The following NAALADL2 variants were observed in gnomAD, a reference collection of about 807,000 sequenced individuals.
NAALADL2 encodes the protein inactive N-acetylated-alpha-linked acidic dipeptidase-like protein 2.
In NAALADL2, 76 loss-of-function variants were observed where a neutral mutation model predicts 87.2. The ratio of observed to expected loss-of-function variants is 0.87; its 90% CI spans 0.72 to 1.05. NAALADL2 has a LOEUF of 1.05. NAALADL2 is among the 50% of genes least tolerant of loss of function. The probability of loss-of-function intolerance (pLI) is 0.00; values close to 1 mark genes in which losing one functional copy is unlikely to be tolerated. For missense variants in NAALADL2, 1,089 were observed against 945.8 expected, an observed-to-expected ratio of 1.15 and a Z score of -1.99; for synonymous variants, 354 against 331.0, an observed-to-expected ratio of 1.07 and a Z score of -0.75.
intron 3 of NAALADL2, among the ~76,000 whole-genome samples, chr3:174,745,401 C>G (rs371851221): frequency 6.6e-6 from 1 of 151,962 alleles, no homozygotes; most frequent in East Asian, 1.9e-4. Context: ...AGGAGGAAGT[C>G]GAATCCCTGA....
intron 1 of NAALADL2, among the ~76,000 whole-genome samples, chr3:174,872,028 A>G (rs1407638497): frequency 6.6e-6 from 1 of 152,168 alleles, no homozygotes. Context: ...CTTTTTTGAA[A>G]TTACAGGCTT....
At chr3:175,449,741 A>G (rs1721269341) in intron 6 of NAALADL2, among the ~76,000 whole-genome samples, 2 of 152,148 alleles carry the variant, frequency 1.3e-5, no homozygotes, top group Admixed American at 6.5e-5. Flanking sequence ...AAGCAAGATG[A>G]CACTCTCCAG....
At chr3:174,464,882 C>T (rs1266610013) in intron 1 of NAALADL2, among the ~76,000 whole-genome samples, 1 of 151,850 alleles carries the variant, frequency 6.6e-6, no homozygotes, top group African/African-American at 2.4e-5. Context: ...ATTTTCCTTC[C>T]TCTAATAATT....
intron 2 of NAALADL2, among the ~76,000 whole-genome samples, chr3:175,149,204 A>G (rs989514181): frequency 2.4e-4 from 36 of 152,050 alleles, no homozygotes; most frequent in Non-Finnish European, 4.7e-4. Context: ...CATTGTGCCT[A>G]TTATAAATTG....
chr3:175,803,128 C>T lies in NAALADL2; in HGVS notation c.2313C>T (p.Asn771=). Residue 771 remains asparagine, a synonymous_variant, in exon 14 of 14, where the codon AAC becomes AAT. Transcript: ENST00000454872. ...TLQEALSEVL[N]SINSAQVYFK... ...AAGAAGCCCTGTCAGAGGTGTTGAA[C>T]AGCATTAATTCAGCTCAGGTTTACT... 4 of 1,612,430 alleles carry T rather than the reference C, an allele frequency of 2.5e-6. No individual in the cohort carries two copies. Among genetic ancestry groups the T allele is most frequent in the African/African-American group, 1.3e-5 (1 of 74,958 alleles).
At chr3:175,378,738 C>A (rs1445472978) in intron 5 of NAALADL2, among the ~76,000 whole-genome samples, 1 of 152,084 alleles carries the variant, frequency 6.6e-6, no homozygotes, top group African/African-American at 2.4e-5. Flanking sequence ...ATAAGACTCA[C>A]CTTGTTGCCT....
chr3:174,663,975 A>AG (rs1295412341), intron 2 of NAALADL2, among the ~76,000 whole-genome samples: 2 of 151,568 alleles, frequency 1.3e-5, no homozygotes, highest in South Asian at 2.1e-4. Flanking sequence ...TTTAGTAGAG[A>AG]GGGGGGTTTC....
chr3:174,660,586 A>C (rs953167117), intron 2 of NAALADL2, among the ~76,000 whole-genome samples: 1 of 152,142 alleles, frequency 6.6e-6, no homozygotes, highest in Admixed American at 6.6e-5. Flanking sequence ...TGAGGATACG[A>C]AAGGATGATT....
chr3:174,857,222 G>T (rs941860860), upstream of NAALADL2, among the ~76,000 whole-genome samples: 1 of 152,104 alleles, frequency 6.6e-6, no homozygotes, highest in East Asian at 1.9e-4. Context: ...AAAACGTCCT[G>T]GAAGAAATTT....
At chr3:175,015,412 C>T (rs1213081368) in intron 1 of NAALADL2, among the ~76,000 whole-genome samples, 1 of 151,984 alleles carries the variant, frequency 6.6e-6, no homozygotes, top group Admixed American at 6.6e-5. Context: ...TAGAGAAGTG[C>T]ATTAAGCAGT....
intron 2 of NAALADL2, among the ~76,000 whole-genome samples, chr3:174,705,982 A>G (rs1730031398): frequency 6.6e-6 from 1 of 152,134 alleles, no homozygotes; most frequent in Non-Finnish European, 1.5e-5. Context: ...CCCAACTTCT[A>G]TTTAATCCCC....
chr3:174,892,649 T>C (rs1730998462), intron 1 of NAALADL2, among the ~76,000 whole-genome samples: 1 of 152,026 alleles, frequency 6.6e-6, no homozygotes, highest in African/African-American at 2.4e-5. Flanking sequence ...ATAGTTCCAA[T>C]GCGGTGTCTC....
At chr3:175,145,216 T>C (rs1328762512) in intron 2 of NAALADL2, among the ~76,000 whole-genome samples, 1 of 152,046 alleles carries the variant, frequency 6.6e-6, no homozygotes, top group Non-Finnish European at 1.5e-5. Context: ...CTCACATGGA[T>C]CAATGTTCAG....
intron 1 of NAALADL2, among the ~76,000 whole-genome samples, chr3:175,087,466 A>T (rs2108290721): frequency 6.6e-6 from 1 of 152,376 alleles, no homozygotes; most frequent in South Asian, 2.1e-4. Flanking sequence ...TCGAATAGAA[A>T]AAGGGGGAAA....
intron 3 of NAALADL2, among the ~76,000 whole-genome samples, chr3:174,776,420 C>T (rs1046501889): frequency 6.6e-6 from 1 of 152,042 alleles, no homozygotes; most frequent in Non-Finnish European, 1.5e-5. Flanking sequence ...ATTCTGTAAA[C>T]GCCACACCTC....
chr3:175,331,527 A>G (rs1188081566), intron 5 of NAALADL2, among the ~76,000 whole-genome samples: 1 of 152,226 alleles, frequency 6.6e-6, no homozygotes, highest in Non-Finnish European at 1.5e-5. Flanking sequence ...GGTCACCTCA[A>G]TAGATACAGA....
intron 2 of NAALADL2, among the ~76,000 whole-genome samples, chr3:174,555,978 T>C (rs908410722): frequency 8.4e-5 from 8 of 95,678 alleles, no homozygotes; most frequent in Non-Finnish European, 1.2e-4. Context: ...ATCCTCCGTG[T>C]GTGTGTGTGT....
intron 2 of NAALADL2, among the ~76,000 whole-genome samples, chr3:175,216,774 T>C (rs910263113): frequency 1.4e-5 from 2 of 143,124 alleles, no homozygotes; most frequent in Non-Finnish European, 3.0e-5. Flanking sequence ...GTTCAAACAA[T>C]TCTCCTGCCT....
At chr3:175,350,330 T>C (rs1238011737) in intron 5 of NAALADL2, among the ~76,000 whole-genome samples, 3 of 152,164 alleles carry the variant, frequency 2.0e-5, no homozygotes, top group African/African-American at 7.2e-5. Flanking sequence ...AGTCCTATGT[T>C]GAGGTAGAGA....
Sources: allele counts gnomAD v4.1 joint callset (sites outside exome capture counted in the v4.1 genomes callset), GRCh38; gene constraint gnomAD v4.1.1; transcripts MANE v1.5; gene names NCBI Gene and HGNC (gene_info 2026-07-23, HGNC 2026-07-21).